Variants in UNC5D observed in about 807,000 individuals in gnomAD.
UNC5D encodes netrin receptor UNC5D.
UNC5D carries 39 observed loss-of-function variants against 105.4 expected under a neutral mutation model. The ratio of observed to expected loss-of-function variants is 0.37; its 90% confidence interval spans 0.29 to 0.48. UNC5D has a LOEUF of 0.48. UNC5D is among the 20% of genes least tolerant of loss of function. The probability of loss-of-function intolerance (pLI) is 0.98; values close to 1 mark genes in which losing one functional copy is unlikely to be tolerated. For missense variants in UNC5D, 991 were observed against 1,202.4 expected, an observed-to-expected ratio of 0.82 and a Z score of 2.60; for synonymous variants, 452 against 450.4, an observed-to-expected ratio of 1.00 and a Z score of -0.04.
At chr8:35,630,654 A>C (rs1037121545) in intron 4 of UNC5D, among the ~76,000 whole-genome samples, 2 of 152,174 alleles carry the variant, frequency 1.3e-5, no homozygotes, top group African/African-American at 4.8e-5. Context: ...AGGGCCGTAC[A>C]TACCCTCCAA....
In UNC5D at chr8:35,683,610, G is replaced by A; in HGVS notation, c.634G>A (p.Ala212Thr). The A allele has an allele frequency of 6.3e-7, 1 of 1,581,250 alleles. No homozygotes were observed. Among genetic ancestry groups the A allele is most frequent in the Non-Finnish European group, 8.6e-7 (1 of 1,168,486 alleles). The stretch of plus-strand genomic sequence containing the variant: ...ACAAGACGAGAACATTGACACCAGG[G>A]CTGACCATAACCTGATCATCAGGCA... ...SEQDENIDTR[A>T]DHNLIIRQAR... The change falls in exon 5 of 17, where the codon GCT becomes ACT. Residue 212 changes from alanine to threonine, a missense_variant. Ala to Thr is a moderately conservative substitution (Grantham distance 58). Coordinates refer to ENST00000404895, the MANE Select transcript of UNC5D (RefSeq NM_080872.4).
At chr8:35,249,821 A>C (rs1803570403) in intron 1 of UNC5D, among the ~76,000 whole-genome samples, 1 of 151,976 alleles carries the variant, frequency 6.6e-6, no homozygotes, top group Non-Finnish European at 1.5e-5. Flanking sequence ...GTGTCAAAAT[A>C]TTCAAGGTTT....
rs753897446 is a variant in UNC5D at position 35,750,603 on chromosome 8, G to C, written c.1957G>C (p.Glu653Gln). The C allele has an allele frequency of 6.2e-7, 1 of 1,614,130 alleles. No individual in the cohort carries two copies. The highest frequency in any genetic ancestry group is 1.7e-5 in the Admixed American group (1 of 60,008). ...ACAGGAAGTGATGTCAGTGGAAGATGAATCTACATCCTGTTACTGCCTTTT... is the reference window on the plus strand; with the variant it reads ...ACAGGAAGTGATGTCAGTGGAAGATCAATCTACATCCTGTTACTGCCTTTT... ...KWEEVMSVED[E>Q]STSCYCLLDP... Residue 653 changes from glutamate to glutamine, a missense_variant, in exon 13 of 17, where the codon GAA becomes CAA. By Grantham distance (29) the Glu-to-Gln change is conservative. Coordinates refer to ENST00000404895, the MANE Select transcript of UNC5D (RefSeq NM_080872.4).
At chr8:35,388,718 A>C (rs976516087) in intron 1 of UNC5D, among the ~76,000 whole-genome samples, 1 of 152,188 alleles carries the variant, frequency 6.6e-6, no homozygotes, top group African/African-American at 2.4e-5. Context: ...TTGTGGCTAT[A>C]AAGATGATGA....
chr8:35,586,335 G>A (rs1021972608), intron 3 of UNC5D, among the ~76,000 whole-genome samples: 9 of 152,164 alleles, frequency 5.9e-5, no homozygotes, highest in African/African-American at 9.7e-5. Context: ...CCACGCTTGC[G>A]GGAGGAGCGC....
At chr8:35,266,883 C>A (rs1036004241) in intron 1 of UNC5D, among the ~76,000 whole-genome samples, 1 of 152,122 alleles carries the variant, frequency 6.6e-6, no homozygotes, top group East Asian at 1.9e-4. Context: ...AAAATGGAGC[C>A]TCTGGAGAAT....
At chr8:35,556,152 C>A (rs894620136) in intron 2 of UNC5D, among the ~76,000 whole-genome samples, 29 of 152,130 alleles carry the variant, frequency 1.9e-4, no homozygotes, top group African/African-American at 6.5e-4. Context: ...TAGTGTACAG[C>A]AATTGCTCAG....
chr8:35,704,553 C>G (rs564614187), intron 7 of UNC5D, among the ~76,000 whole-genome samples: 2 of 152,318 alleles, frequency 1.3e-5, no homozygotes, highest in South Asian at 4.1e-4. Context: ...AAGGGGACTG[C>G]GTAGGGTCCC....
At chr8:35,667,949 A>C (rs1046187250) in intron 4 of UNC5D, among the ~76,000 whole-genome samples, 2 of 152,162 alleles carry the variant, frequency 1.3e-5, no homozygotes, top group Non-Finnish European at 2.9e-5. Flanking sequence ...TTTACTCATG[A>C]TTATTCTACT....
chr8:35,783,220 C>G (rs966992971), intron 16 of UNC5D, among the ~76,000 whole-genome samples: 1 of 152,028 alleles, frequency 6.6e-6, no homozygotes, highest in Non-Finnish European at 1.5e-5. Context: ...ACTTGCTGCC[C>G]TCACGTCACA....
rs1199814268 is a variant in UNC5D, at chr8:35,266,124, C to T, written c.103+30237C>T. Among the ~76,000 whole-genome samples the T allele has an allele frequency of 2.6e-5, 4 of 152,162 alleles. No homozygotes were observed. The East Asian group carries it at 7.7e-4, about 29-fold the overall frequency. On this transcript the variant is annotated intron_variant, in intron 1 of 16. Transcript: ENST00000404895. ...AACCTCTTATTTTTTTCTTCAAAAT[C>T]TTTAAAATCATCTTTCAATTTAGTA...
At chr8:35,448,528 G>A in intron 1 of UNC5D, among the ~76,000 whole-genome samples, 1 of 152,062 alleles carries the variant, frequency 6.6e-6, no homozygotes, top group East Asian at 1.9e-4. Context: ...GCACCTGGGA[G>A]TGATTAGATA....
intron 1 of UNC5D, among the ~76,000 whole-genome samples, chr8:35,280,984 A>G (rs1294079488): frequency 1.3e-5 from 2 of 152,142 alleles, no homozygotes; most frequent in East Asian, 3.9e-4. Context: ...AACTCATTAC[A>G]TCTCTCAGCT....
intron 1 of UNC5D, among the ~76,000 whole-genome samples, chr8:35,349,650 G>T (rs181473108): frequency 7.2e-4 from 109 of 152,036 alleles, no homozygotes; most frequent in Non-Finnish European, 3.4e-4. Context: ...AGCTTTTTCA[G>T]ACATTCTTTC....
intron 1 of UNC5D, among the ~76,000 whole-genome samples, chr8:35,435,562 A>G (rs1806952274): frequency 6.6e-6 from 1 of 152,156 alleles, no homozygotes; most frequent in Admixed American, 6.6e-5. Flanking sequence ...ACATCATTAT[A>G]ATATTTCTAA....
chr8:35,367,278 A>C (rs961908086), intron 1 of UNC5D, among the ~76,000 whole-genome samples: 3 of 152,076 alleles, frequency 2.0e-5, no homozygotes, highest in African/African-American at 7.2e-5. Context: ...GTAAATTTTT[A>C]CCTTCTCTTC....
chr8:35,769,277 G>A (rs16884412), intron 15 of UNC5D, among the ~76,000 whole-genome samples: 10,717 of 152,136 alleles, frequency 0.07, 1,053 homozygotes, highest in African/African-American at 0.22. Context: ...TCAGAGACCT[G>A]ACTTGAAGAT....
chr8:35,607,197 C>T (rs750675), intron 4 of UNC5D, among the ~76,000 whole-genome samples: 25,861 of 152,118 alleles, frequency 0.17, 2,349 homozygotes, highest in East Asian at 0.26. Flanking sequence ...AGCTGTGGAA[C>T]GAGGGAACAA....
chr8:35,568,938 C>T (rs1297827381), intron 3 of UNC5D, among the ~76,000 whole-genome samples: 3 of 151,518 alleles, frequency 2.0e-5, no homozygotes, highest in South Asian at 2.1e-4. Flanking sequence ...TGCAAGAATA[C>T]TACATTAAAG....
Sources: allele counts gnomAD v4.1 joint callset (sites outside exome capture counted in the v4.1 genomes callset), GRCh38; gene constraint gnomAD v4.1.1; transcripts MANE v1.5; gene names NCBI Gene and HGNC (gene_info 2026-07-23, HGNC 2026-07-21).